Variants in ZNF433 observed in about 807,000 individuals in gnomAD.
ZNF433 encodes zinc finger protein 433.
A neutral mutation model predicts 10.6 loss-of-function variants in ZNF433; 12 were observed. The observed-to-expected ratio is 1.13, with a 90% confidence interval of 0.72 to 1.83. The LOEUF is 1.83. Ranked by LOEUF, ZNF433 falls within the 40% of genes most tolerant of loss-of-function variation. The probability of loss-of-function intolerance (pLI) is 0.00; values close to 1 mark genes in which losing one functional copy is unlikely to be tolerated. For missense variants in ZNF433, 737 were observed against 798.0 expected (o/e 0.92, Z 0.92); for synonymous variants, 272 against 271.3 (o/e 1.00, Z -0.02).
intron 1 of ZNF433, among the ~76,000 whole-genome samples, chr19:12,030,500 G>A (rs900612591): frequency 2.0e-5 from 3 of 152,140 alleles, no homozygotes; most frequent in African/African-American, 4.8e-5. Context: ...GATTACAGGC[G>A]TGAGCCACCA....
chr19:12,023,366 T>A (rs1466652310), intron 1 of ZNF433: 1 of 152,124 alleles, frequency 6.6e-6, no homozygotes. Context: ...CAGATTACAA[T>A]GGGAAATTCA....
chr19:12,020,220 C>T lies in ZNF433; in HGVS notation c.4-1928G>A, dbSNP rs1002331826. Among the ~76,000 whole-genome samples the T allele has an allele frequency of 6.6e-5, 10 of 151,760 alleles. No homozygotes were observed. In the East Asian group the frequency reaches 7.7e-4, roughly 12 times the overall value. ...CTGGGCAGCAGAGGCTGCAGTGAGC[C>T]GAGATTGTGCCACTGCACTCCAGCC... On this transcript the variant is annotated intron_variant, in intron 1 of 3. Transcript: ENST00000550507.
Position 12,016,572 on chromosome 19 carries a change from T to G in ZNF433, c.286A>C (p.Thr96Pro), listed in dbSNP as rs758253413. 6.2e-7 allele frequency: 1 copy of G among 1,614,160 alleles called. No homozygotes were observed. Among genetic ancestry groups the G allele is most frequent in the Non-Finnish European group, 8.5e-7 (1 of 1,180,034 alleles). Residue 96 changes from threonine (T) to proline (P), a missense_variant, in exon 4 of 4, where the codon ACT becomes CCT. Transcript: ENST00000550507. ...CTGCTTTCGCATGATTTTACTCCAGTAGTTGTTTTCTTCAGCATGTCATCT... is the reference window on the plus strand; with the variant it reads ...CTGCTTTCGCATGATTTTACTCCAGGAGTTGTTTTCTTCAGCATGTCATCT... ...VPDDMLKKTT[T>P]GVKSCESSVY...
In ZNF433 at chr19:12,035,310, G is replaced by A. The variant is rs142301683; in HGVS notation, c.3+227C>T. 5.3e-4 allele frequency among the ~76,000 whole-genome samples: 80 copies of A among 152,276 alleles called. No homozygotes were observed. The East Asian group carries it at 0.01, about 19-fold the overall frequency. On this transcript the variant is annotated intron_variant, in intron 1 of 3. Transcript: ENST00000550507. ...CGGAGCTGCCCAGAGAGGGCTCTGG[G>A]AACTGGGTGACAGTCACCGCGCAGG...
chr19:12,028,928 CCA>C (rs1974869269), intron 1 of ZNF433, among the ~76,000 whole-genome samples: 2 of 152,124 alleles, frequency 1.3e-5, no homozygotes, highest in Admixed American at 1.3e-4. Flanking sequence ...CGGGCTCAAG[CCA>C]TTCTCCCACC....
In ZNF433 at chr19:12,015,814, G is replaced by T. The variant is rs1293316173; in HGVS notation, c.1044C>A (p.Thr348=). 1 of 1,613,814 alleles carries T rather than the reference G, an allele frequency of 6.2e-7. No individual in the cohort carries two copies. The highest frequency in any genetic ancestry group is 1.3e-5 in the African/African-American group (1 of 74,870). Residue 348 remains threonine (T), a synonymous_variant, in exon 4 of 4, where the codon ACC becomes ACA. Coordinates refer to ENST00000550507, the MANE Select transcript of ZNF433 (RefSeq NM_001308348.2). ...KHCGKVLSYL[T]SFQNHLGMHT... ...GCATTCCCAAGTGGTTTTGAAAGCT[G>T]GTAAGATAAGATAATACTTTCCCAC...
Position 12,016,034 on chromosome 19 carries a change from C to T in ZNF433, c.824G>A (p.Gly275Glu). The T allele has an allele frequency of 6.2e-7, 1 of 1,614,054 alleles. No individual in the cohort carries two copies. The highest frequency in any genetic ancestry group is 1.7e-5 in the Admixed American group (1 of 60,014). Residue 275 changes from glycine (G) to glutamate (E), a missense_variant, in exon 4 of 4, where the codon GGG becomes GAG. Physicochemically the swap from Gly to Glu is moderately conservative, Grantham distance 98. Transcript: ENST00000550507. The stretch of plus-strand genomic sequence containing the variant: ...CTGTTTACATTCATATGGCTTCTCC[C>T]CAGTGTGAGTTCTTTTATGAGCATG... ...CLHAHKRTHT[G>E]EKPYECKQCG... is the part of the protein sequence containing the mutation.
At chr19:12,029,297 G>T (rs550092479) in intron 1 of ZNF433, among the ~76,000 whole-genome samples, 1 of 151,998 alleles carries the variant, frequency 6.6e-6, no homozygotes, top group African/African-American at 2.4e-5. Flanking sequence ...GGAGGTGGGC[G>T]CATCACCTGA....
At chr19:12,020,092 T>C (rs796179290) in intron 1 of ZNF433, among the ~76,000 whole-genome samples, 128 of 152,114 alleles carry the variant, frequency 8.4e-4, no homozygotes, top group African/African-American at 3.0e-3. Context: ...GCCAAAATGG[T>C]GAAACCCCAT....
At chr19:12,027,713 A>C (rs1974808740) in intron 1 of ZNF433, among the ~76,000 whole-genome samples, 1 of 152,232 alleles carries the variant, frequency 6.6e-6, no homozygotes, top group Non-Finnish European at 1.5e-5. Context: ...GAAGGCCGTC[A>C]GCCCCGATTT....
chr19:12,032,185 G>C (rs111992033), intron 1 of ZNF433, among the ~76,000 whole-genome samples: 1 of 151,908 alleles, frequency 6.6e-6, no homozygotes. Flanking sequence ...TGATCTGTGC[G>C]CCTCGACCTC....
In ZNF433 at chr19:12,018,149, A is replaced by C; in HGVS notation, c.130+17T>G. Reference sequence around the variant, plus strand: ...TGTTGTCTCATTTACTGAAGGAAGTAATGTTGTCACCCTTACCTATAGAGG... The same window carrying C: ...TGTTGTCTCATTTACTGAAGGAAGTCATGTTGTCACCCTTACCTATAGAGG... On this transcript the variant is annotated intron_variant, in intron 2 of 3. Transcript: ENST00000550507. The C allele has an allele frequency of 1.9e-6, 3 of 1,553,182 alleles. No homozygotes were observed. The South Asian group carries it at 3.7e-5, about 19-fold the overall frequency.
chr19:12,030,127 A>G (rs888839045), intron 1 of ZNF433: 8 of 412,700 alleles, frequency 1.9e-5, no homozygotes, highest in African/African-American at 1.7e-4. Context: ...CAAACCAGGA[A>G]GCAGGCTCTT....
intron 1 of ZNF433, chr19:12,025,905 G>T (rs1271568735): frequency 1.3e-5 from 2 of 152,504 alleles, no homozygotes; most frequent in Non-Finnish European, 2.9e-5. Context: ...TCAAGGATGA[G>T]CCACAGTGGA....
chr19:12,025,355 T>C (rs1974684562), intron 1 of ZNF433: 1 of 152,244 alleles, frequency 6.6e-6, no homozygotes, highest in Non-Finnish European at 1.5e-5. Flanking sequence ...TACACCCTTT[T>C]TACATCACTC....
At chr19:12,018,426 CTCTG>C in intron 1 of ZNF433, 134 bp from the exon 2 acceptor site, 1 of 1,027,860 alleles carries the variant, frequency 9.7e-7, no homozygotes, top group Non-Finnish European at 1.3e-6. Context: ...ACCTCATACT[CTCTG>C]TCTACACTCA....
At chr19:12,020,835 C>T (rs1352171433) in intron 1 of ZNF433, among the ~76,000 whole-genome samples, 8 of 149,842 alleles carry the variant, frequency 5.3e-5, no homozygotes, top group Admixed American at 1.3e-4. Context: ...ACCAGGGAGG[C>T]GGAGGTTGCT....
rs1399850427 is a variant in ZNF433, at chr19:12,035,588, G to A, written c.-49C>T. On this transcript the variant is annotated 5_prime_UTR_variant, in exon 1 of 4. Coordinates refer to ENST00000550507, the MANE Select transcript of ZNF433 (RefSeq NM_001308348.2). ...ACGACCAGTGCGGGTCACAGCACAG[G>A]CGACAGAAGCTATGGCAGAGGCACC... 9 of 1,557,442 alleles carry A rather than the reference G, an allele frequency of 5.8e-6. No homozygotes were observed. Among genetic ancestry groups the A allele is most frequent in the Non-Finnish European group, 1.7e-6 (2 of 1,151,028 alleles).
chr19:12,018,144 G>T, intron 2 of ZNF433, 22 bp downstream of exon 2: 2 of 1,547,140 alleles, frequency 1.3e-6, no homozygotes, highest in Non-Finnish European at 8.7e-7. Flanking sequence ...TTTACTGAAG[G>T]AAGTAATGTT....
Sources: allele counts gnomAD v4.1 joint callset (sites outside exome capture counted in the v4.1 genomes callset), GRCh38; gene constraint gnomAD v4.1.1; transcripts MANE v1.5; gene names NCBI Gene and HGNC (gene_info 2026-07-23, HGNC 2026-07-21).